The following ROBO1 variants were observed in gnomAD, a reference collection of about 807,000 sequenced individuals.
ROBO1 encodes roundabout guidance receptor 1.
Under a neutral mutation model 195.9 loss-of-function variants are expected in ROBO1, and 149 were observed. The observed-to-expected ratio is 0.76, with a 90% confidence interval of 0.67 to 0.87. ROBO1 has a LOEUF of 0.87. Ranked by LOEUF, ROBO1 falls within the 40% of genes least tolerant of loss-of-function variation. The pLI is 0.00. For missense variants in ROBO1, 1,933 were observed against 2,068.3 expected, an observed-to-expected ratio of 0.93 and a Z score of 1.27; for synonymous variants, 816 against 733.2, an observed-to-expected ratio of 1.11 and a Z score of -1.82.
At chr3:78,836,975 A>T (rs162876) in intron 4 of ROBO1, among the ~76,000 whole-genome samples, 147,223 of 152,282 alleles carry the variant, frequency 0.97, 71,225 homozygotes, top group East Asian at 1. Flanking sequence ...TATTAAAGAA[A>T]ATATTCATCT....
chr3:79,300,212 T>C (rs2032836841), intron 2 of ROBO1, among the ~76,000 whole-genome samples: 1 of 151,706 alleles, frequency 6.6e-6, no homozygotes, highest in African/African-American at 2.4e-5. Context: ...AGCAGGGAGG[T>C]GTGGGGGGAG....
At chr3:79,278,539 A>C (rs1433507614) in intron 2 of ROBO1, among the ~76,000 whole-genome samples, 1 of 152,190 alleles carries the variant, frequency 6.6e-6, no homozygotes, top group East Asian at 1.9e-4. Context: ...TAATCTAAAA[A>C]TCTACAGTGA....
chr3:79,217,043 A>G lies in ROBO1; in HGVS notation c.89-91504T>C, dbSNP rs774420968. Reference sequence around the variant, plus strand: ...GTAATGTAGACCATTTGTCAGCAGGAAACACTTTATCCAATCTTTTCATTC... The same window carrying G: ...GTAATGTAGACCATTTGTCAGCAGGGAACACTTTATCCAATCTTTTCATTC... On this transcript the variant is annotated intron_variant, in intron 2 of 30. Coordinates refer to ENST00000464233, the MANE Select transcript of ROBO1 (RefSeq NM_002941.4). 3.3e-5 allele frequency among the ~76,000 whole-genome samples: 5 copies of G among 152,100 alleles called. No individual in the cohort carries two copies. The South Asian group carries it at 1.0e-3, about 31-fold the overall frequency.
chr3:79,136,576 G>C (rs996534569), intron 2 of ROBO1, among the ~76,000 whole-genome samples: 22 of 152,100 alleles, frequency 1.4e-4, no homozygotes. Flanking sequence ...TGCATGGAAA[G>C]GGTACTTTAA....
chr3:78,855,551 T>C (rs1339706014), intron 4 of ROBO1, among the ~76,000 whole-genome samples: 1 of 152,188 alleles, frequency 6.6e-6, no homozygotes, highest in East Asian at 1.9e-4. Flanking sequence ...TTTTATATCA[T>C]AAGTATTCAA....
At chr3:78,917,070 G>A (rs1481035997) in intron 4 of ROBO1, among the ~76,000 whole-genome samples, 1 of 149,150 alleles carries the variant, frequency 6.7e-6, no homozygotes, top group African/African-American at 2.5e-5. Context: ...GTTAATGTCA[G>A]TATAGTCAGA....
chr3:79,527,472 G>A (rs1339214125), intron 2 of ROBO1, among the ~76,000 whole-genome samples: 1 of 152,048 alleles, frequency 6.6e-6, no homozygotes, highest in Non-Finnish European at 1.5e-5. Context: ...AAAGACAAGT[G>A]TTCAAATTTT....
chr3:79,187,070 C>A (rs1353348344), intron 2 of ROBO1, among the ~76,000 whole-genome samples: 2 of 152,050 alleles, frequency 1.3e-5, no homozygotes, highest in Non-Finnish European at 2.9e-5. Context: ...GAGAAGAATG[C>A]TGTCTTCAGA....
chr3:78,803,220 A>C (rs907394565), intron 4 of ROBO1, among the ~76,000 whole-genome samples: 1 of 152,130 alleles, frequency 6.6e-6, no homozygotes, highest in Non-Finnish European at 1.5e-5. Flanking sequence ...ACAGGAAACA[A>C]TGTCTCTCTT....
At chr3:79,650,329 AC>A (rs1194110563) in intron 1 of ROBO1, among the ~76,000 whole-genome samples, 3 of 151,820 alleles carry the variant, frequency 2.0e-5, no homozygotes, top group East Asian at 1.9e-4. Context: ...AAGGAAGTAA[AC>A]TAATTTCTTT....
chr3:79,297,826 A>C (rs1364822604), intron 2 of ROBO1, among the ~76,000 whole-genome samples: 1 of 152,088 alleles, frequency 6.6e-6, no homozygotes, highest in Non-Finnish European at 1.5e-5. Context: ...TTTTCTTTTA[A>C]TAAATACTAT....
intron 8 of ROBO1, among the ~76,000 whole-genome samples, chr3:78,695,625 C>CAAAAAA (rs1172592248): frequency 5.3e-4 from 29 of 54,236 alleles, no homozygotes; most frequent in East Asian, 1.6e-3. Context: ...ACTCTTGTCT[C>CAAAAAA]AAAAAAAAAA....
At chr3:79,742,803 C>G (rs911553478) in intron 1 of ROBO1, among the ~76,000 whole-genome samples, 8 of 152,110 alleles carry the variant, frequency 5.3e-5, no homozygotes, top group Non-Finnish European at 1.0e-4. Flanking sequence ...GCAGTTCTTA[C>G]AAGAGCTTCC....
intron 2 of ROBO1, among the ~76,000 whole-genome samples, chr3:79,586,580 C>T (rs1384247442): frequency 3.9e-5 from 6 of 151,986 alleles, no homozygotes. Context: ...AATAGAAATA[C>T]AACCTTGTGG....
chr3:79,457,133 T>C (rs1485414186), intron 2 of ROBO1, among the ~76,000 whole-genome samples: 1 of 152,154 alleles, frequency 6.6e-6, no homozygotes, highest in African/African-American at 2.4e-5. Context: ...AGGAAGCAGT[T>C]GATTTTACTG....
intron 3 of ROBO1, among the ~76,000 whole-genome samples, chr3:79,021,490 T>C (rs1451382290): frequency 1.3e-5 from 2 of 152,098 alleles, no homozygotes; most frequent in East Asian, 1.9e-4. Flanking sequence ...CCCTATTGCA[T>C]TGTTCCCCCA....
intron 1 of ROBO1, among the ~76,000 whole-genome samples, chr3:79,724,785 T>A (rs528636171): frequency 6.6e-6 from 1 of 152,342 alleles, no homozygotes; most frequent in East Asian, 1.9e-4. Flanking sequence ...GATAAATCAA[T>A]GTGTTTTAAG....
chr3:78,654,134 T>C (rs1419347822), intron 18 of ROBO1, among the ~76,000 whole-genome samples: 1 of 152,246 alleles, frequency 6.6e-6, no homozygotes, highest in Non-Finnish European at 1.5e-5. Context: ...GATTTTTCTC[T>C]TATTAAATGA....
At chr3:79,518,084 A>G (rs746367526) in intron 2 of ROBO1, among the ~76,000 whole-genome samples, 7 of 152,148 alleles carry the variant, frequency 4.6e-5, no homozygotes, top group South Asian at 4.1e-4. Flanking sequence ...TTTACCTACA[A>G]TGATTAGGGT....
Sources: gnomAD v4.1 joint callset for allele counts (sites outside exome capture counted in the v4.1 genomes callset) on GRCh38, gnomAD v4.1.1 for gene constraint, MANE v1.5 for transcripts, NCBI Gene and HGNC (gene_info 2026-07-23, HGNC 2026-07-21) for gene names.